The following MCF2L variants were observed in gnomAD, a reference collection of about 807,000 sequenced individuals.
The protein encoded by MCF2L is guanine nucleotide exchange factor DBS.
MCF2L carries 97 observed loss-of-function variants against 153.4 expected under a neutral mutation model. The ratio of observed to expected loss-of-function variants is 0.63; its 90% confidence interval spans 0.54 to 0.75. The LOEUF is 0.75. Among genes scored for constraint, MCF2L ranks in the 30% least tolerant of loss-of-function variants. The pLI, the probability that MCF2L is intolerant of heterozygous loss-of-function variation, is 0.00. For synonymous variants in MCF2L, 659 were observed against 632.2 expected (o/e 1.04, Z -0.64); for missense variants, 1,347 against 1,495.2 (o/e 0.90, Z 1.64).
chr13:113,026,005 T>C (rs76517760), intron 3 of MCF2L, among the ~76,000 whole-genome samples: 14 of 70,420 alleles, frequency 2.0e-4, no homozygotes, highest in East Asian at 1.1e-3. Flanking sequence ...CCGTGAGGTT[T>C]CATCATGGTG....
chr13:113,077,115 GC>G lies in MCF2L; in HGVS notation c.1566del (p.Ser523AlafsTer2). On this transcript the variant is annotated frameshift_variant, in exon 13 of 30. Transcript: ENST00000535094. LOFTEE classifies it high-confidence loss of function. ...GGAGGAGGTGTTCCACCGCAGGCAGGCCAGCCTGAAGAAGCTGGCGGCCAGG... is the reference window on the plus strand; with the variant it reads ...GGAGGAGGTGTTCCACCGCAGGCAGGCAGCCTGAAGAAGCTGGCGGCCAGG... ...SMEEVFHRRQ[A>X]SLKKLAARQT... 6.2e-7 allele frequency: 1 copy of G among 1,612,812 alleles called. No homozygotes were observed. Among genetic ancestry groups the G allele is most frequent in the South Asian group, 1.1e-5 (1 of 91,042 alleles).
intron 15 of MCF2L, among the ~76,000 whole-genome samples, chr13:113,079,900 G>GA (rs2033937617): frequency 6.6e-6 from 1 of 152,074 alleles, no homozygotes; most frequent in African/African-American, 2.4e-5. Flanking sequence ...GGTCCAGGCA[G>GA]GGGAGTGTTC....
At chr13:113,047,336 A>G (rs1295935804) in intron 4 of MCF2L, 2 of 152,258 alleles carry the variant, frequency 1.3e-5, no homozygotes, top group Non-Finnish European at 2.9e-5. Context: ...AGCCATCACC[A>G]GCTAACAGCC....
At chr13:113,084,107 A>T (rs2034408066) in intron 18 of MCF2L, 40 bp downstream of exon 18, 1 of 1,465,230 alleles carries the variant, frequency 6.8e-7, no homozygotes, top group Non-Finnish European at 9.6e-7. Flanking sequence ...ACAACTTCTT[A>T]AAAGTACTGA....
intron 1 of MCF2L, among the ~76,000 whole-genome samples, chr13:112,997,914 T>G (rs1488329568): frequency 6.6e-6 from 1 of 152,226 alleles, no homozygotes; most frequent in African/African-American, 2.4e-5. Flanking sequence ...TTTAACTGAT[T>G]GGGACAGGGC....
At position 113,097,105 on chromosome 13, in the gene MCF2L, G is replaced by T. The variant is rs1361236717; in HGVS notation, c.*246G>T. ...CCGCAGGGAACAGCCCCGGGCGGCA[G>T]GCGCCGGGCAGCGGCATCTCGTCCT... On this transcript the variant is annotated 3_prime_UTR_variant, in exon 30 of 30. Transcript: ENST00000535094. The T allele has an allele frequency of 5.8e-6, 2 of 343,572 alleles. No homozygotes were observed. The highest frequency in any genetic ancestry group is 4.3e-5 in the African/African-American group (2 of 46,472). 21.3% of individuals were successfully genotyped at this position (343,572 alleles called of 1,614,324 possible). A position where few individuals can be genotyped will look rare whatever the true frequency, so the allele number is the denominator to read the frequency against.
At chr13:113,082,637 C>A in intron 17 of MCF2L, 95 bp downstream of exon 17, 2 of 940,400 alleles carry the variant, frequency 2.1e-6, no homozygotes, top group Non-Finnish European at 3.3e-6. Context: ...GAGGCCAGGC[C>A]ATGCCTGGCT....
Position 112,979,457 on chromosome 13 carries a change from C to G in MCF2L, c.79+9999C>G. The G allele has an allele frequency of 4.9e-6, 7 of 1,424,472 alleles. No individual in the cohort carries two copies. The South Asian group carries it at 1.1e-4, about 21-fold the overall frequency. 88.2% of individuals were successfully genotyped at this position (1,424,472 alleles called of 1,614,324 possible). On this transcript the variant is annotated intron_variant, in intron 1 of 29. Transcript: ENST00000535094. ...CACTCTGAGGAGGTGGCTCAGCCCTCTTGGGTTCTTTCTTGTGAGTTGGCG... is the reference window on the plus strand; with the variant it reads ...CACTCTGAGGAGGTGGCTCAGCCCTGTTGGGTTCTTTCTTGTGAGTTGGCG...
At chr13:113,072,283 G>A (rs2032994392) in intron 9 of MCF2L, among the ~76,000 whole-genome samples, 1 of 152,118 alleles carries the variant, frequency 6.6e-6, no homozygotes. Flanking sequence ...TGCAAATAAG[G>A]ACAGTTTGGT....
At position 113,074,714 on chromosome 13, in the gene MCF2L, G is replaced by A; in HGVS notation, c.1116+151G>A. ...CATGGGGTGGGGGGTGCTGCTGCCT[G>A]TACCCCTCCCCTCCCACACCCCACC... On this transcript the variant is annotated intron_variant, in intron 10 of 29. Coordinates refer to ENST00000535094, the MANE Select transcript of MCF2L (RefSeq NM_001112732.3). The surrounding 1 kb of genome is among the most constrained non-coding windows in gnomAD (Gnocchi z 4.2). 2 of 1,231,286 alleles carry A rather than the reference G, an allele frequency of 1.6e-6. No individual in the cohort carries two copies. The highest frequency in any genetic ancestry group is 2.2e-6 in the Non-Finnish European group (2 of 891,914). The allele number at this position is 1,231,286 out of a possible 1,614,324, so 76.3% of individuals were successfully genotyped here.
At chr13:112,953,858 G>A (rs1030258769) in intron 2 of MCF2L, among the ~76,000 whole-genome samples, 2 of 152,350 alleles carry the variant, frequency 1.3e-5, no homozygotes, top group Admixed American at 6.5e-5. Flanking sequence ...CAGGGAAGAC[G>A]AGGAGGCTGC....
chr13:112,974,379 T>G (rs1239821590), intron 1 of MCF2L, among the ~76,000 whole-genome samples: 3 of 151,684 alleles, frequency 2.0e-5, no homozygotes, highest in African/African-American at 7.3e-5. Context: ...GGCCAGCCTC[T>G]GAGTCCATGA....
intron 1 of MCF2L, among the ~76,000 whole-genome samples, chr13:112,992,482 C>T: frequency 6.6e-6 from 1 of 152,244 alleles, no homozygotes; most frequent in Non-Finnish European, 1.5e-5. Flanking sequence ...AGAGCCACCA[C>T]CCACCCAGGT....
chr13:113,017,715 C>G (rs928038723), intron 2 of MCF2L, among the ~76,000 whole-genome samples: 1 of 152,134 alleles, frequency 6.6e-6, no homozygotes, highest in African/African-American at 2.4e-5. Context: ...AACACAGACT[C>G]CCCCGCCCGC....
In MCF2L at chr13:113,045,617, A is replaced by G. The variant is rs2141535241; in HGVS notation, c.369+256A>G. The G allele has an allele frequency of 1.8e-6, 1 of 560,040 alleles. No homozygotes were observed. Among genetic ancestry groups the G allele is most frequent in the Non-Finnish European group, 3.2e-6 (1 of 311,142 alleles). 34.7% of individuals were successfully genotyped at this position (560,040 alleles called of 1,614,324 possible). A position where few individuals can be genotyped will look rare whatever the true frequency, so the allele number is the denominator to read the frequency against. Reference sequence around the variant, plus strand: ...ACTTGCAAACAATTTCCCCAGGCAGAGCAGCCCATATGTTTCCGAACACCA... The same window carrying G: ...ACTTGCAAACAATTTCCCCAGGCAGGGCAGCCCATATGTTTCCGAACACCA... On this transcript the variant is annotated intron_variant, in intron 4 of 29. Coordinates refer to ENST00000535094, the MANE Select transcript of MCF2L (RefSeq NM_001112732.3). The surrounding 1 kb of genome is among the most constrained non-coding windows in gnomAD (Gnocchi z 4.2).
intron 21 of MCF2L, among the ~76,000 whole-genome samples, chr13:113,086,829 TCC>T (rs775628342): frequency 6.6e-6 from 1 of 152,170 alleles, no homozygotes; most frequent in Non-Finnish European, 1.5e-5. Context: ...CCCTGAGGCT[TCC>T]CCTAGTGTTG....
intron 3 of MCF2L, among the ~76,000 whole-genome samples, chr13:113,039,615 A>G (rs527767354): frequency 4.6e-5 from 7 of 152,338 alleles, no homozygotes; most frequent in Non-Finnish European, 7.3e-5. Context: ...ACTACACACC[A>G]ACAAGTTAAA....
intron 1 of MCF2L, among the ~76,000 whole-genome samples, chr13:112,991,196 G>A (rs938525640): frequency 2.0e-5 from 3 of 152,164 alleles, no homozygotes; most frequent in South Asian, 2.1e-4. Flanking sequence ...AAATCCGGCC[G>A]CCTGCCACCT....
intron 1 of MCF2L, among the ~76,000 whole-genome samples, chr13:112,995,264 G>A (rs563575693): frequency 1.1e-4 from 16 of 152,214 alleles, no homozygotes; most frequent in Admixed American, 1.3e-4. Flanking sequence ...GATGTAGACC[G>A]GGGCTCGCTC....
Sources: allele counts gnomAD v4.1 joint callset (sites outside exome capture counted in the v4.1 genomes callset), GRCh38; gene constraint gnomAD v4.1.1; non-coding constraint Gnocchi (gnomAD v3.1); transcripts MANE v1.5; gene names NCBI Gene and HGNC (gene_info 2026-07-23, HGNC 2026-07-21).